Variants in DLG2 observed in about 807,000 individuals in gnomAD.
DLG2 encodes the protein discs large MAGUK scaffold protein 2, also known as disks large homolog 2.
Under a neutral mutation model 132.5 loss-of-function variants are expected in DLG2, and 45 were observed. That is an observed-to-expected ratio of 0.34 (90% CI 0.27 to 0.44). DLG2 has a LOEUF of 0.44. Ranked by LOEUF, DLG2 falls within the 20% of genes least tolerant of loss-of-function variation. DLG2 has a pLI of 1.00. For synonymous variants in DLG2, 424 were observed against 419.6 expected (o/e 1.01, Z -0.13); for missense variants, 1,045 against 1,196.9 (o/e 0.87, Z 1.87).
At chr11:84,627,800 C>G (rs1380209133) in intron 6 of DLG2, among the ~76,000 whole-genome samples, 1 of 152,136 alleles carries the variant, frequency 6.6e-6, no homozygotes, top group Non-Finnish European at 1.5e-5. Context: ...AGGTACTTCA[C>G]ATGGTGAAAA....
At chr11:84,246,751 T>C (rs1360141438) in intron 8 of DLG2, among the ~76,000 whole-genome samples, 1 of 152,196 alleles carries the variant, frequency 6.6e-6, no homozygotes, top group East Asian at 1.9e-4. Flanking sequence ...TATCTGCAGC[T>C]TCAGGCATCC....
chr11:85,465,555 A>G (rs1390774348), intron 3 of DLG2, among the ~76,000 whole-genome samples: 9 of 151,522 alleles, frequency 5.9e-5, no homozygotes, highest in African/African-American at 1.9e-4. Flanking sequence ...AACATGTGGT[A>G]TTTGGTTTTT....
intron 3 of DLG2, among the ~76,000 whole-genome samples, chr11:85,509,007 T>C (rs902806082): frequency 3.3e-5 from 5 of 152,112 alleles, no homozygotes; most frequent in African/African-American, 4.8e-5. Context: ...GCAACTTTCA[T>C]TGTTTCCTCC....
intron 4 of DLG2, among the ~76,000 whole-genome samples, chr11:85,169,715 C>T (rs1032920199): frequency 2.0e-5 from 3 of 152,100 alleles, no homozygotes; most frequent in African/African-American, 7.2e-5. Flanking sequence ...TGAGTTTACT[C>T]CTCTCTAAAT....
chr11:84,624,146 A>T (rs1050842518), intron 6 of DLG2, among the ~76,000 whole-genome samples: 1 of 152,174 alleles, frequency 6.6e-6, no homozygotes, highest in African/African-American at 2.4e-5. Flanking sequence ...GGGAGGTGAC[A>T]TCTAGGTTCT....
At chr11:84,408,735 G>A (rs1486281079) in intron 7 of DLG2, among the ~76,000 whole-genome samples, 1 of 152,134 alleles carries the variant, frequency 6.6e-6, no homozygotes, top group Non-Finnish European at 1.5e-5. Context: ...ATAAAATCTT[G>A]AGGGTCACCC....
intron 6 of DLG2, among the ~76,000 whole-genome samples, chr11:84,612,041 A>G (rs779626940): frequency 2.6e-5 from 4 of 152,162 alleles, no homozygotes; most frequent in Non-Finnish European, 4.4e-5. Context: ...AGTTTAATCA[A>G]GATAATGAAC....
intron 3 of DLG2, among the ~76,000 whole-genome samples, chr11:85,407,803 T>C (rs2088906569): frequency 6.6e-6 from 1 of 151,768 alleles, no homozygotes; most frequent in Non-Finnish European, 1.5e-5. Context: ...CAGCCATGAG[T>C]TATAGGCAGC....
At chr11:85,408,067 T>A (rs1419099573) in intron 3 of DLG2, among the ~76,000 whole-genome samples, 1 of 151,526 alleles carries the variant, frequency 6.6e-6, no homozygotes, top group East Asian at 1.9e-4. Context: ...TATTTCTCAA[T>A]AACAAGAATT....
chr11:83,760,940 C>G (rs1158740796), intron 18 of DLG2, among the ~76,000 whole-genome samples: 2 of 152,178 alleles, frequency 1.3e-5, no homozygotes, highest in Non-Finnish European at 1.5e-5. Flanking sequence ...GAATGTACCT[C>G]ATTGTCTTAA....
At chr11:84,515,999 A>T (rs2099271632) in intron 7 of DLG2, among the ~76,000 whole-genome samples, 1 of 151,774 alleles carries the variant, frequency 6.6e-6, no homozygotes, top group Non-Finnish European at 1.5e-5. Context: ...TGAGTTAATT[A>T]AAAAATTAAA....
chr11:84,323,585 G>C (rs185806394), intron 7 of DLG2, among the ~76,000 whole-genome samples: 26 of 152,062 alleles, frequency 1.7e-4, no homozygotes, highest in African/African-American at 6.0e-4. Context: ...TTATATGGTA[G>C]CTCTATTTTT....
intron 16 of DLG2, among the ~76,000 whole-genome samples, chr11:83,866,548 G>C (rs915046552): frequency 1.3e-5 from 2 of 151,970 alleles, no homozygotes; most frequent in Non-Finnish European, 2.9e-5. Flanking sequence ...ATTAAGAGGG[G>C]CAATTTTCTA....
At chr11:84,522,093 A>G (rs1239251067) in intron 7 of DLG2, among the ~76,000 whole-genome samples, 1 of 152,072 alleles carries the variant, frequency 6.6e-6, no homozygotes, top group Non-Finnish European at 1.5e-5. Flanking sequence ...ACTTGAATCC[A>G]GGAGGCAGAG....
chr11:85,203,601 T>G (rs1234086507), intron 4 of DLG2, among the ~76,000 whole-genome samples: 1 of 152,064 alleles, frequency 6.6e-6, no homozygotes, highest in Admixed American at 6.6e-5. Context: ...ACTGCTGACC[T>G]CTACCAAACA....
chr11:83,726,897 C>T (rs190258479), intron 18 of DLG2, among the ~76,000 whole-genome samples: 10 of 152,326 alleles, frequency 6.6e-5, no homozygotes, highest in African/African-American at 2.4e-4. Context: ...GATGAACACT[C>T]TCTTCCTGCC....
chr11:85,168,017 G>A (rs1359182660), intron 4 of DLG2, among the ~76,000 whole-genome samples: 4 of 151,994 alleles, frequency 2.6e-5, no homozygotes, highest in Admixed American at 2.0e-4. Flanking sequence ...AAAAAACTGG[G>A]CACAGACAAA....
intron 4 of DLG2, among the ~76,000 whole-genome samples, chr11:85,253,841 A>G (rs1300154175): frequency 6.6e-6 from 1 of 152,138 alleles, no homozygotes; most frequent in East Asian, 1.9e-4. Context: ...AAAAGGGGAC[A>G]GAGCAGGAAG....
chr11:84,817,168 CTGAT>C, intron 6 of DLG2, among the ~76,000 whole-genome samples: 1 of 152,144 alleles, frequency 6.6e-6, no homozygotes, highest in South Asian at 2.1e-4. Context: ...AGCACTCTCT[CTGAT>C]TGGTGCCTAA....
Sources: allele counts gnomAD v4.1 joint callset (sites outside exome capture counted in the v4.1 genomes callset), GRCh38; gene constraint gnomAD v4.1.1; transcripts MANE v1.5; gene names NCBI Gene and HGNC (gene_info 2026-07-23, HGNC 2026-07-21).